SPON1: variants seen among roughly 807,000 people sequenced by gnomAD.
SPON1 encodes the protein spondin 1.
In SPON1, 52 loss-of-function variants were observed where a neutral mutation model predicts 111.7. The observed-to-expected ratio is 0.47, with a 90% CI of 0.37 to 0.59. The LOEUF is 0.59. Ranked by LOEUF, SPON1 falls within the 20% of genes least tolerant of loss-of-function variation. SPON1 has a pLI of 0.00. For missense variants in SPON1, 957 were observed against 1,068.5 expected (o/e 0.90, Z 1.46); for synonymous variants, 410 against 395.8 (o/e 1.04, Z -0.43).
intron 2 of SPON1, among the ~76,000 whole-genome samples, chr11:14,032,495 A>G (rs990771696): frequency 2.6e-5 from 4 of 152,190 alleles, no homozygotes; most frequent in Admixed American, 2.0e-4. Context: ...TGCACGGCAC[A>G]CAAGGGGAAC....
chr11:14,230,424 G>A (rs576299166), intron 6 of SPON1, among the ~76,000 whole-genome samples: 48 of 152,186 alleles, frequency 3.2e-4, no homozygotes, highest in Non-Finnish European at 6.0e-4. Context: ...TTGGTGTGTG[G>A]ATGAATTCTC....
At chr11:14,160,744 A>T (rs1424630173) in intron 6 of SPON1, among the ~76,000 whole-genome samples, 1 of 37,876 alleles carries the variant, frequency 2.6e-5, no homozygotes, top group Non-Finnish European at 4.5e-5. Context: ...TATTTAATTT[A>T]TATATATTTA....
chr11:14,240,319 G>T (rs1848911791), intron 6 of SPON1, among the ~76,000 whole-genome samples: 1 of 152,192 alleles, frequency 6.6e-6, no homozygotes, highest in South Asian at 2.1e-4. Flanking sequence ...AATAAATGTG[G>T]TAGAATGCTC....
At chr11:14,183,791 G>C (rs1053443920) in intron 6 of SPON1, among the ~76,000 whole-genome samples, 20 of 152,004 alleles carry the variant, frequency 1.3e-4, no homozygotes, top group Non-Finnish European at 2.1e-4. Flanking sequence ...CTAAAGATAT[G>C]GTCTTCCCCT....
At chr11:14,146,596 T>A (rs1847722300) in intron 6 of SPON1, among the ~76,000 whole-genome samples, 1 of 152,164 alleles carries the variant, frequency 6.6e-6, no homozygotes, top group Admixed American at 6.5e-5. Context: ...TTTTTAAAAA[T>A]TATACAGGCT....
intron 5 of SPON1, among the ~76,000 whole-genome samples, chr11:14,110,418 G>A (rs1554925338): frequency 6.6e-6 from 1 of 152,200 alleles, no homozygotes; most frequent in Non-Finnish European, 1.5e-5. Flanking sequence ...CAAAATCTGT[G>A]TTAGAGTTCT....
chr11:14,177,341 A>C (rs1554933218), intron 6 of SPON1, among the ~76,000 whole-genome samples: 1 of 152,126 alleles, frequency 6.6e-6, no homozygotes. Flanking sequence ...CAACCAGCCC[A>C]GAGTTTTTAA....
At chr11:13,964,739 G>A (rs555954703) in intron 1 of SPON1, among the ~76,000 whole-genome samples, 19 of 152,330 alleles carry the variant, frequency 1.2e-4, no homozygotes, top group Admixed American at 1.2e-3. Context: ...GCGCCGACGG[G>A]CGGCGACTGC....
chr11:14,247,524 G>A (rs1849005854), intron 7 of SPON1, among the ~76,000 whole-genome samples: 1 of 152,242 alleles, frequency 6.6e-6, no homozygotes, highest in South Asian at 2.1e-4. Context: ...GGAGCCCAGT[G>A]AGGGGGGCTA....
At chr11:13,987,613 T>C (rs1848195568) in intron 2 of SPON1, among the ~76,000 whole-genome samples, 1 of 152,238 alleles carries the variant, frequency 6.6e-6, no homozygotes, top group Admixed American at 6.5e-5. Flanking sequence ...GTTTTAGACA[T>C]GAAGTCTTTG....
chr11:14,260,424 C>T (rs1365756197), intron 13 of SPON1, among the ~76,000 whole-genome samples, 164 bp from the exon 14 acceptor site: 2 of 152,142 alleles, frequency 1.3e-5, no homozygotes, highest in African/African-American at 2.4e-5. Context: ...GCTGCTGAGC[C>T]ACTTCTTGCT....
At chr11:14,063,983 T>C (rs1848811592) in intron 3 of SPON1, among the ~76,000 whole-genome samples, 1 of 152,236 alleles carries the variant, frequency 6.6e-6, no homozygotes. Context: ...GCACTGCTAA[T>C]ACAGAGGAGT....
intron 2 of SPON1, among the ~76,000 whole-genome samples, chr11:14,013,481 A>T (rs1554913950): frequency 2.6e-5 from 4 of 152,198 alleles, no homozygotes. Context: ...AGAAAGGAGG[A>T]GGGAGTTAAG....
At position 14,172,393 on chromosome 11, in the gene SPON1, T is replaced by C. The variant is rs1848115464; in HGVS notation, c.825+36825T>C. 4.0e-5 allele frequency among the ~76,000 whole-genome samples: 6 copies of C among 151,548 alleles called. No individual in the cohort carries two copies. In the South Asian group the frequency reaches 6.2e-4, roughly 16 times the overall value. On this transcript the variant is annotated intron_variant, in intron 6 of 15. Transcript: ENST00000576479. ...TTTTGAGCCTATGTGTGTCTCTGCA[T>C]GTGAGATGGGTTTCCTGAATACAGC... is the stretch of plus-strand genomic sequence containing the variant.
intron 6 of SPON1, among the ~76,000 whole-genome samples, chr11:14,237,740 G>A (rs138876772): frequency 8.7e-4 from 132 of 152,348 alleles, no homozygotes; most frequent in African/African-American, 3.1e-3. Context: ...GTGCCTTCCC[G>A]GCTTCATCAA....
intron 3 of SPON1, among the ~76,000 whole-genome samples, chr11:14,045,234 A>T (rs1848659331): frequency 6.6e-6 from 1 of 152,084 alleles, no homozygotes; most frequent in South Asian, 2.1e-4. Flanking sequence ...TGAATGGCCC[A>T]TTCATATTCT....
Position 14,160,754 on chromosome 11 carries a change from ATATATATT to A in SPON1, c.825+25202_825+25209del, listed in dbSNP as rs1554931002. On this transcript the variant is annotated intron_variant, in intron 6 of 15. Coordinates refer to ENST00000576479, the MANE Select transcript of SPON1 (RefSeq NM_006108.4). The stretch of plus-strand genomic sequence containing the variant: ...ATATATATTTAATTTATATATATTT[ATATATATT>A]TATATATTTATATATATTTTTATAT... 4.0e-4 allele frequency among the ~76,000 whole-genome samples: 19 copies of A among 47,898 alleles called. 1 individual carries two copies. Among genetic ancestry groups the A allele is most frequent in the African/African-American group, 9.2e-4 (11 of 11,896 alleles). 31.4% of individuals were successfully genotyped at this position (47,898 alleles called of 152,430 possible).
At chr11:14,196,336 AC>A (rs1367644993) in intron 6 of SPON1, among the ~76,000 whole-genome samples, 3 of 152,198 alleles carry the variant, frequency 2.0e-5, no homozygotes, top group Non-Finnish European at 4.4e-5. Flanking sequence ...ATGGGGAGTG[AC>A]AACTAACGAG....
intron 5 of SPON1, among the ~76,000 whole-genome samples, chr11:14,083,203 T>C (rs1848977937): frequency 6.6e-6 from 1 of 152,220 alleles, no homozygotes; most frequent in Admixed American, 6.5e-5. Flanking sequence ...ATGTTTTACG[T>C]TTTTGCAACT....
Sources: allele counts gnomAD v4.1 joint callset (sites outside exome capture counted in the v4.1 genomes callset), GRCh38; gene constraint gnomAD v4.1.1; transcripts MANE v1.5; gene names NCBI Gene and HGNC (gene_info 2026-07-23, HGNC 2026-07-21).